Variants in UCP1 observed in about 807,000 individuals in gnomAD.
The protein encoded by UCP1 is mitochondrial brown fat uncoupling protein 1.
In UCP1, 24 loss-of-function variants were observed where a neutral mutation model predicts 26.2. The ratio of observed to expected loss-of-function variants is 0.92; its 90% CI spans 0.66 to 1.29. The LOEUF (loss-of-function observed/expected upper bound fraction) is 1.29, where lower values mean the gene tolerates loss of function less well. UCP1 is among the 50% of genes most tolerant of loss of function. The pLI, the probability that UCP1 is intolerant of heterozygous loss-of-function variation, is 0.00. For missense variants in UCP1, 402 were observed against 388.7 expected, an observed-to-expected ratio of 1.03 and a Z score of -0.29; for synonymous variants, 164 against 156.8, an observed-to-expected ratio of 1.05 and a Z score of -0.34.
intron 2 of UCP1, 116 bp from the exon 3 acceptor site, chr4:140,563,634 G>A: frequency 1.1e-6 from 1 of 935,700 alleles, no homozygotes; most frequent in East Asian, 2.6e-5. Flanking sequence ...TTGAGATGGA[G>A]TCTTGCTCTG....
intron 4 of UCP1, 149 bp from the exon 5 acceptor site, chr4:140,562,522 T>C: frequency 1.1e-6 from 1 of 871,898 alleles, no homozygotes; most frequent in African/African-American, 1.7e-5. Context: ...GGTATTGCAC[T>C]AGAAAAAGAA....
rs1735870705 is a variant in UCP1 at position 140,568,843 on chromosome 4, T to C, written c.-114A>G. 3 of 1,497,262 alleles carry C rather than the reference T, an allele frequency of 2.0e-6. No homozygotes were observed. Among genetic ancestry groups the C allele is most frequent in the Non-Finnish European group, 2.7e-6 (3 of 1,116,094 alleles). The allele number at this position is 1,497,262 out of a possible 1,614,324, so 92.7% of individuals were successfully genotyped here. On this transcript the variant is annotated 5_prime_UTR_variant, in exon 1 of 6. Coordinates refer to ENST00000262999, the MANE Select transcript of UCP1 (RefSeq NM_021833.5). ...GCCGGGCAGCAAACCCGATTTCTGT[T>C]TTTTGAACCGACCGCCGGGCAGCGG...
rs774928918 is a variant in UCP1 at position 140,567,810 on chromosome 4, C to G, written c.294G>C (p.Thr98=). The change falls in exon 2 of 6, where the codon ACG becomes ACC. Residue 98 remains threonine, a synonymous_variant. Coordinates refer to ENST00000262999, the MANE Select transcript of UCP1 (RefSeq NM_021833.5). ...TCCCTGCGGTGAGGAACTCCTGGAC[C>G]GTGTCGTAGAGGCCGATCCTGAGAG... ...SASLRIGLYD[T]VQEFLTAGKE... 3.1e-6 allele frequency: 5 copies of G among 1,614,140 alleles called. No individual in the cohort carries two copies. Among genetic ancestry groups the G allele is most frequent in the East Asian group, 2.2e-5 (1 of 44,864 alleles).
At chr4:140,560,382 A>G (rs1735650358) in intron 5 of UCP1, among the ~76,000 whole-genome samples, 1 of 152,200 alleles carries the variant, frequency 6.6e-6, no homozygotes, top group African/African-American at 2.4e-5. Context: ...TGATGATCAC[A>G]TCTATACAAA....
At chr4:140,564,594 A>C (rs536021363) in intron 2 of UCP1, among the ~76,000 whole-genome samples, 26 of 152,346 alleles carry the variant, frequency 1.7e-4, no homozygotes, top group African/African-American at 6.3e-4. Context: ...TAGCATAAAG[A>C]AAATCCACAA....
At position 140,567,762 on chromosome 4, in the gene UCP1, G is replaced by A. The variant is rs756459048; in HGVS notation, c.325+17C>T. ...CCCAAGGCTTTTCTGCCCCTCCCAG[G>A]AACGCTCACGGCTTACTTTCTTTCC... is the stretch of plus-strand genomic sequence containing the variant. On this transcript the variant is annotated intron_variant, in intron 2 of 5. Transcript: ENST00000262999. 8 of 1,613,572 alleles carry A rather than the reference G, an allele frequency of 5.0e-6. No homozygotes were observed. The South Asian group carries it at 7.7e-5, about 16-fold the overall frequency.
At chr4:140,560,309 C>A (rs953630730) in intron 5 of UCP1, among the ~76,000 whole-genome samples, 15 of 152,124 alleles carry the variant, frequency 9.9e-5, no homozygotes, top group Non-Finnish European at 4.4e-5. Context: ...TTCATCTTTC[C>A]CTCCTCTGCT....
chr4:140,564,890 A>T lies in UCP1; in HGVS notation c.326-1372T>A, dbSNP rs535359138. Among the ~76,000 whole-genome samples the T allele has an allele frequency of 9.9e-5, 15 of 152,262 alleles. No homozygotes were observed. In the South Asian group the frequency reaches 2.7e-3, roughly 27 times the overall value. On this transcript the variant is annotated intron_variant, in intron 2 of 5. Transcript: ENST00000262999. ...GAACTAAAAGAAATTTATTTACAAAACATATTGTTTGTCTTTACTTCTCAG... is the reference window on the plus strand; with the variant it reads ...GAACTAAAAGAAATTTATTTACAAATCATATTGTTTGTCTTTACTTCTCAG...
chr4:140,560,919 T>G (rs1352427859), intron 5 of UCP1, among the ~76,000 whole-genome samples: 5 of 152,136 alleles, frequency 3.3e-5, no homozygotes, highest in African/African-American at 1.2e-4. Flanking sequence ...TAACTTCTAT[T>G]CTTTCTGTCT....
intron 2 of UCP1, among the ~76,000 whole-genome samples, chr4:140,565,701 C>G (rs1425893269): frequency 1.3e-5 from 2 of 152,156 alleles, no homozygotes; most frequent in Admixed American, 1.3e-4. Context: ...TACTTGGAAG[C>G]TCCTTTCTCA....
intron 2 of UCP1, among the ~76,000 whole-genome samples, chr4:140,565,720 C>T (rs368246331): frequency 6.6e-6 from 1 of 152,086 alleles, no homozygotes; most frequent in African/African-American, 2.4e-5. Flanking sequence ...CACCCCTTTG[C>T]CTGGAGTACT....
chr4:140,565,012 T>C (rs981336899), intron 2 of UCP1, among the ~76,000 whole-genome samples: 1 of 152,254 alleles, frequency 6.6e-6, no homozygotes, highest in African/African-American at 2.4e-5. Flanking sequence ...CTATTTGTTA[T>C]GTACAATGAT....
chr4:140,567,527 A>G (rs771586606), intron 2 of UCP1, among the ~76,000 whole-genome samples: 2 of 152,244 alleles, frequency 1.3e-5, no homozygotes, highest in Non-Finnish European at 2.9e-5. Flanking sequence ...CATATTCTCC[A>G]GATGGAGATC....
chr4:140,567,775 T>C lies in UCP1; in HGVS notation c.325+4A>G. 6.2e-7 allele frequency: 1 copy of C among 1,613,842 alleles called. No individual in the cohort carries two copies. The highest frequency in any genetic ancestry group is 8.5e-7 in the Non-Finnish European group (1 of 1,179,912). On this transcript the variant is annotated splice_donor_region_variant and intron_variant, in intron 2 of 5. Coordinates refer to ENST00000262999, the MANE Select transcript of UCP1 (RefSeq NM_021833.5). ...TGCCCCTCCCAGGAACGCTCACGGC[T>C]TACTTTCTTTCCCTGCGGTGAGGAA... is the stretch of plus-strand genomic sequence containing the variant.
Position 140,560,748 on chromosome 4 carries a change from C to CAAAA in UCP1, c.810-742_810-739dup, listed in dbSNP as rs5862487. Among the ~76,000 whole-genome samples, 1,141 of 146,824 alleles carry CAAAA rather than the reference C, an allele frequency of 7.8e-3. 11 individuals are homozygous for CAAAA. The highest frequency in any genetic ancestry group is 0.022 in the African/African-American group (883 of 40,384). On this transcript the variant is annotated intron_variant, in intron 5 of 5. Transcript: ENST00000262999. Reference sequence around the variant, plus strand: ...CTTCCCAATGTGGGGTATTTTGCTGCAAAAAAAAAAAATCATAAAATTACA... The same window carrying CAAAA: ...CTTCCCAATGTGGGGTATTTTGCTGCAAAAAAAAAAAAAAAATCATAAAATTACA...
Position 140,568,838 on chromosome 4 carries a change from TC to T in UCP1, c.-110del. The T allele has an allele frequency of 1.3e-6, 2 of 1,515,960 alleles. No homozygotes were observed. Among genetic ancestry groups the T allele is most frequent in the South Asian group, 2.4e-5 (2 of 83,298 alleles). The allele number at this position is 1,515,960 out of a possible 1,614,324, so 93.9% of individuals were successfully genotyped here. ...TGTCCGCCGGGCAGCAAACCCGATTTCTGTTTTTTGAACCGACCGCCGGGCA... is the reference window on the plus strand; with the variant it reads ...TGTCCGCCGGGCAGCAAACCCGATTTTGTTTTTTGAACCGACCGCCGGGCA... On this transcript the variant is annotated 5_prime_UTR_variant, in exon 1 of 6. Coordinates refer to ENST00000262999, the MANE Select transcript of UCP1 (RefSeq NM_021833.5).
At position 140,567,888 on chromosome 4, in the gene UCP1, C is replaced by T; in HGVS notation, c.216G>A (p.Met72Ile). ...ITAVVKTEGR[M>I]KLYSGLPAGL... ...CCGCAGGCAGCCCGCTGTAGAGTTTCATCCGCCCTTCTGTTTTTACCACAG... is the reference window on the plus strand; with the variant it reads ...CCGCAGGCAGCCCGCTGTAGAGTTTTATCCGCCCTTCTGTTTTTACCACAG... Residue 72 changes from methionine to isoleucine, a missense_variant, in exon 2 of 6, where the codon ATG becomes ATA. Transcript: ENST00000262999. The T allele has an allele frequency of 6.2e-7, 1 of 1,614,208 alleles. No homozygotes were observed. The highest frequency in any genetic ancestry group is 1.7e-5 in the Admixed American group (1 of 60,024).
In UCP1 at chr4:140,567,772, G is replaced by A; in HGVS notation, c.325+7C>T. ...TTCTGCCCCTCCCAGGAACGCTCAC[G>A]GCTTACTTTCTTTCCCTGCGGTGAG... is the stretch of plus-strand genomic sequence containing the variant. On this transcript the variant is annotated splice_region_variant and intron_variant, in intron 2 of 5. Transcript: ENST00000262999. The A allele has an allele frequency of 4.3e-6, 7 of 1,613,818 alleles. No homozygotes were observed. Among genetic ancestry groups the A allele is most frequent in the Non-Finnish European group, 5.9e-6 (7 of 1,179,928 alleles).
chr4:140,568,532 G>A (rs1271951911), intron 1 of UCP1, 72 bp downstream of exon 1: 3 of 1,603,144 alleles, frequency 1.9e-6, no homozygotes, highest in East Asian at 4.5e-5. Flanking sequence ...CCAAAGCAGA[G>A]AATAAATGGA....
Sources: gnomAD v4.1 joint callset for allele counts (sites outside exome capture counted in the v4.1 genomes callset) on GRCh38, gnomAD v4.1.1 for gene constraint, MANE v1.5 for transcripts, NCBI Gene and HGNC (gene_info 2026-07-23, HGNC 2026-07-21) for gene names.